Variants in FRMD4B observed in about 807,000 individuals in gnomAD.
FRMD4B encodes FERM domain-containing protein 4B.
A neutral mutation model predicts 141.5 loss-of-function variants in FRMD4B; 74 were observed. The ratio of observed to expected loss-of-function variants is 0.52; its 90% confidence interval spans 0.43 to 0.63. The LOEUF (loss-of-function observed/expected upper bound fraction) is 0.63, where lower values mean the gene tolerates loss of function less well. Ranked by LOEUF, FRMD4B falls within the 30% of genes least tolerant of loss-of-function variation. The pLI, the probability that FRMD4B is intolerant of heterozygous loss-of-function variation, is 0.00. For missense variants in FRMD4B, 1,366 were observed against 1,253.4 expected, an observed-to-expected ratio of 1.09 and a Z score of -1.36; for synonymous variants, 506 against 467.9, an observed-to-expected ratio of 1.08 and a Z score of -1.05.
At chr3:69,503,841 C>T (rs1436921313) in intron 1 of FRMD4B, among the ~76,000 whole-genome samples, 3 of 152,158 alleles carry the variant, frequency 2.0e-5, no homozygotes, top group Non-Finnish European at 4.4e-5. Flanking sequence ...TGAGTAAATT[C>T]ACCCATTACA....
chr3:69,455,485 C>T (rs1411889204), intron 1 of FRMD4B, among the ~76,000 whole-genome samples: 1 of 152,188 alleles, frequency 6.6e-6, no homozygotes. Flanking sequence ...AGCTGTAAGG[C>T]TCACCGTGAA....
At chr3:69,314,786 G>C (rs1285347551) in intron 1 of FRMD4B, among the ~76,000 whole-genome samples, 1 of 152,092 alleles carries the variant, frequency 6.6e-6, no homozygotes, top group Non-Finnish European at 1.5e-5. Context: ...AGTAAGCTGA[G>C]ATTGTACCAC....
At chr3:69,454,906 C>T (rs1206461974) in intron 1 of FRMD4B, among the ~76,000 whole-genome samples, 1 of 152,244 alleles carries the variant, frequency 6.6e-6, no homozygotes, top group Non-Finnish European at 1.5e-5. Flanking sequence ...CGGGTGGGGA[C>T]TTGGAGAACT....
chr3:69,377,574 A>G (rs1704005078), intron 1 of FRMD4B, among the ~76,000 whole-genome samples: 1 of 152,136 alleles, frequency 6.6e-6, no homozygotes, highest in African/African-American at 2.4e-5. Flanking sequence ...CAGATCTCAA[A>G]CCCGTCTGGA....
chr3:69,250,637 C>T (rs1007846797), intron 5 of FRMD4B, among the ~76,000 whole-genome samples: 1 of 151,794 alleles, frequency 6.6e-6, no homozygotes, highest in Non-Finnish European at 1.5e-5. Flanking sequence ...AAATGTGAGG[C>T]CTTAAAAATC....
intron 1 of FRMD4B, among the ~76,000 whole-genome samples, chr3:69,449,174 T>C (rs1011579832): frequency 2.6e-5 from 4 of 152,188 alleles, no homozygotes; most frequent in African/African-American, 4.8e-5. Context: ...CTTAATAAGA[T>C]ACCATGTATT....
At chr3:69,498,689 A>C (rs1706444387) in intron 1 of FRMD4B, among the ~76,000 whole-genome samples, 1 of 152,208 alleles carries the variant, frequency 6.6e-6, no homozygotes, top group South Asian at 2.1e-4. Flanking sequence ...TATAAGAGTA[A>C]ATAAACACTT....
intron 1 of FRMD4B, chr3:69,336,654 C>T (rs1350854288): frequency 6.6e-6 from 1 of 152,340 alleles, no homozygotes; most frequent in African/African-American, 2.4e-5. Context: ...GAGTGAATAC[C>T]CACAATGGCT....
intron 1 of FRMD4B, among the ~76,000 whole-genome samples, chr3:69,337,864 G>A (rs568721053): frequency 3.3e-5 from 5 of 152,310 alleles, no homozygotes; most frequent in South Asian, 2.1e-4. Context: ...TGGTGGGACC[G>A]TAAACTAGTT....
Position 69,259,352 on chromosome 3 carries a change from G to A in FRMD4B, c.502-9253C>T, listed in dbSNP as rs112981918. 9.0e-4 allele frequency among the ~76,000 whole-genome samples: 137 copies of A among 152,296 alleles called. 1 individual carries two copies. The highest frequency in any genetic ancestry group is 2.9e-3 in the African/African-American group (122 of 41,572). ...TGAAGCTTCTCTCGTTCACCCACCC[G>A]CTGCTCATCTCCTGCTGTGTGGCCC... On this transcript the variant is annotated intron_variant, in intron 5 of 22. Coordinates refer to ENST00000398540, the MANE Select transcript of FRMD4B (RefSeq NM_015123.3).
intron 1 of FRMD4B, chr3:69,376,750 A>T (rs1046094285): frequency 6.6e-6 from 1 of 151,982 alleles, no homozygotes; most frequent in South Asian, 2.1e-4. Flanking sequence ...TTTTCATGAG[A>T]GCTTAATTTC....
At chr3:69,474,591 T>C (rs1428758160) in intron 1 of FRMD4B, among the ~76,000 whole-genome samples, 4 of 152,190 alleles carry the variant, frequency 2.6e-5, no homozygotes, top group African/African-American at 9.6e-5. Flanking sequence ...AAATGCTTCA[T>C]ATATTATTAC....
chr3:69,360,793 G>A (rs568492366), intron 1 of FRMD4B, among the ~76,000 whole-genome samples: 19 of 152,210 alleles, frequency 1.2e-4, no homozygotes, highest in African/African-American at 4.3e-4. Flanking sequence ...CTCATAGGTC[G>A]CCACTTGTGT....
chr3:69,527,338 C>T (rs1027946075), intron 1 of FRMD4B, among the ~76,000 whole-genome samples: 3 of 152,054 alleles, frequency 2.0e-5, no homozygotes, highest in South Asian at 2.1e-4. Flanking sequence ...AGAGCCCTTC[C>T]GGGGTGGAGC....
At chr3:69,218,253 A>G (rs1185247881) in intron 10 of FRMD4B, 69 bp downstream of exon 10, 2 of 771,436 alleles carry the variant, frequency 2.6e-6, no homozygotes, top group Admixed American at 2.5e-5. Flanking sequence ...TTTATATAGT[A>G]TGAAAAAAGC....
At chr3:69,493,925 G>A (rs1002291640) in intron 1 of FRMD4B, among the ~76,000 whole-genome samples, 3 of 152,194 alleles carry the variant, frequency 2.0e-5, no homozygotes, top group African/African-American at 7.2e-5. Flanking sequence ...GTACTGGGGT[G>A]CAGTAGTGGG....
At chr3:69,445,971 A>G (rs560059472) in intron 1 of FRMD4B, among the ~76,000 whole-genome samples, 3 of 152,302 alleles carry the variant, frequency 2.0e-5, no homozygotes, top group Middle Eastern at 3.4e-3. Context: ...AGCCTGGGAC[A>G]ATGCACATAG....
At chr3:69,296,924 A>G (rs528076554) in intron 4 of FRMD4B, among the ~76,000 whole-genome samples, 2 of 152,340 alleles carry the variant, frequency 1.3e-5, no homozygotes, top group African/African-American at 4.8e-5. Context: ...CATTCTACCT[A>G]GAGATTAACT....
At chr3:69,193,570 G>A in intron 17 of FRMD4B, 78 bp downstream of exon 17, 1 of 747,186 alleles carries the variant, frequency 1.3e-6, no homozygotes, top group Non-Finnish European at 2.2e-6. Flanking sequence ...TCATCAACTG[G>A]TAACTGGTTT....
Sources: allele counts gnomAD v4.1 joint callset (sites outside exome capture counted in the v4.1 genomes callset), GRCh38; gene constraint gnomAD v4.1.1; transcripts MANE v1.5; gene names NCBI Gene and HGNC (gene_info 2026-07-23, HGNC 2026-07-21).